The following PENK variants were observed in gnomAD, a reference collection of about 807,000 sequenced individuals.
The protein encoded by PENK is proenkephalin.
Under a neutral mutation model 24.1 loss-of-function variants are expected in PENK, and 25 were observed. The ratio of observed to expected loss-of-function variants is 1.04; its 90% CI spans 0.76 to 1.45. PENK has a LOEUF of 1.45. Among genes scored for constraint, PENK ranks in the 40% most tolerant of loss-of-function variants. The pLI, the probability that PENK is intolerant of heterozygous loss-of-function variation, is 0.00. For missense variants in PENK, 353 were observed against 337.9 expected (o/e 1.04, Z -0.35); for synonymous variants, 135 against 130.3 (o/e 1.04, Z -0.24).
intron 3 of PENK, among the ~76,000 whole-genome samples, chr8:56,442,892 T>C (rs1804585451): frequency 6.6e-6 from 1 of 152,036 alleles, no homozygotes; most frequent in South Asian, 2.1e-4. Flanking sequence ...TTTTTTTCTA[T>C]TTAACACATC....
chr8:56,445,946 C>T lies in PENK; in HGVS notation c.8G>A (p.Arg3Gln). 3 of 1,607,516 alleles carry T rather than the reference C, an allele frequency of 1.9e-6. No individual in the cohort carries two copies. Among genetic ancestry groups the T allele is most frequent in the Middle Eastern group, 1.7e-4 (1 of 5,764 alleles). MARFLTLCTWLLL... is the reference protein window; with the variant it reads MAQFLTLCTWLLL... Reference sequence around the variant, plus strand: ...CAGCCAAGTGCAAAGTGTCAGGAACCGCGCCATGGACTGCGAGGAGAGAGG... The same window carrying T: ...CAGCCAAGTGCAAAGTGTCAGGAACTGCGCCATGGACTGCGAGGAGAGAGG... Residue 3 changes from arginine to glutamine, a missense_variant, in exon 3 of 4, where the codon CGG becomes CAG. Transcript: ENST00000451791.
intron 2 of PENK, 185 bp from the exon 3 acceptor site, chr8:56,446,141 G>T (rs2128941900): frequency 3.2e-6 from 2 of 624,754 alleles, no homozygotes; most frequent in African/African-American, 1.9e-5. Flanking sequence ...GACTCAGATC[G>T]CCTCGCGGTT....
At chr8:56,445,722 A>T (rs568142774) in intron 3 of PENK, 94 bp downstream of exon 3, 2 of 1,544,298 alleles carry the variant, frequency 1.3e-6, no homozygotes, top group South Asian at 2.2e-5. Context: ...GCGAACCGCC[A>T]TACGCGCCGC....
rs1334934458 is a variant in PENK, at chr8:56,444,266, T to C, written c.138+1550A>G. On this transcript the variant is annotated intron_variant, in intron 3 of 3. Coordinates refer to ENST00000451791, the MANE Select transcript of PENK (RefSeq NM_001135690.3). The stretch of plus-strand genomic sequence containing the variant: ...ACTCACATAATTTAAGTAAATATGA[T>C]ACTACTTTGGGGTCAGTCTGTGTGA... Among the ~76,000 whole-genome samples the C allele has an allele frequency of 7.9e-5, 12 of 152,392 alleles. No individual in the cohort carries two copies. The South Asian group carries it at 2.1e-3, about 26-fold the overall frequency.
chr8:56,442,008 G>A (rs750879151), intron 3 of PENK, 71 bp from the exon 4 acceptor site: 1 of 1,177,062 alleles, frequency 8.5e-7, no homozygotes, highest in Non-Finnish European at 1.2e-6. Flanking sequence ...AACTTTTGTG[G>A]ACCAAAATAT....
intron 3 of PENK, among the ~76,000 whole-genome samples, chr8:56,442,743 G>A (rs1415620182): frequency 1.3e-5 from 2 of 151,988 alleles, no homozygotes; most frequent in Non-Finnish European, 2.9e-5. Context: ...TTTAGTCACT[G>A]TTGTACAGAA....
At position 56,441,952 on chromosome 8, in the gene PENK, T is replaced by C. The variant is rs1484114292; in HGVS notation, c.139-15A>G. ...ATTACGCAAGCCTGGGAAAACAATT[T>C]GATGTAATGATAAAAAGAAGCTTCT... On this transcript the variant is annotated splice_polypyrimidine_tract_variant and intron_variant, in intron 3 of 3. Transcript: ENST00000451791. The C allele has an allele frequency of 6.3e-7, 1 of 1,576,030 alleles. No homozygotes were observed. The highest frequency in any genetic ancestry group is 8.6e-7 in the Non-Finnish European group (1 of 1,161,384).
At chr8:56,445,670 C>G in intron 3 of PENK, 146 bp downstream of exon 3, 1 of 993,454 alleles carries the variant, frequency 1.0e-6, no homozygotes, top group Non-Finnish European at 1.6e-6. Flanking sequence ...GCTGAGACAC[C>G]CAGGTCACCA....
At chr8:56,445,421 G>C (rs1263541070) in intron 3 of PENK, 1 of 445,522 alleles carries the variant, frequency 2.2e-6, no homozygotes, top group Non-Finnish European at 4.0e-6. Flanking sequence ...CGTGTGGAGG[G>C]GCCCTTAGCT....
At position 56,441,583 on chromosome 8, in the gene PENK, C is replaced by T. The variant is rs747040304; in HGVS notation, c.493G>A (p.Asp165Asn). The T allele has an allele frequency of 1.1e-5, 18 of 1,614,040 alleles. 1 individual carries two copies. In the South Asian group the frequency reaches 1.6e-4, roughly 15 times the overall value. The change falls in exon 4 of 4, where the codon GAC (aspartate) becomes AAC (asparagine). Residue 165 changes from aspartate (D) to asparagine (N), a missense_variant. Physicochemically the swap from Asp to Asn is conservative, Grantham distance 23 (BLOSUM62 1). Transcript: ENST00000451791. ...DLLKELLETG[D>N]NRERSHHQDG... ...TGGTGGTGGCTACGCTCTCGGTTGTCCCCTGTTTCCAGAAGCTCTTTTAGC... is the reference window on the plus strand; with the variant it reads ...TGGTGGTGGCTACGCTCTCGGTTGTTCCCTGTTTCCAGAAGCTCTTTTAGC...
Position 56,441,074 on chromosome 8 carries a change from A to G in PENK, c.*198T>C, listed in dbSNP as rs1804540460. Reference sequence around the variant, plus strand: ...TTAGCATGAAAACGAGATAGCTGCAATAGACTAATACTGAGCTTAAAGACT... The same window carrying G: ...TTAGCATGAAAACGAGATAGCTGCAGTAGACTAATACTGAGCTTAAAGACT... On this transcript the variant is annotated 3_prime_UTR_variant, in exon 4 of 4. Transcript: ENST00000451791. 1 of 514,602 alleles carries G rather than the reference A, an allele frequency of 1.9e-6. No homozygotes were observed. The highest frequency in any genetic ancestry group is 3.4e-6 in the Non-Finnish European group (1 of 291,134). 31.9% of individuals were successfully genotyped at this position (514,602 alleles called of 1,614,324 possible).
intron 3 of PENK, chr8:56,443,741 G>A (rs989482056): frequency 4.5e-5 from 18 of 398,330 alleles, no homozygotes; most frequent in African/African-American, 1.6e-4. Flanking sequence ...TAATTCTAGC[G>A]AGACAGTCAC....
intron 3 of PENK, among the ~76,000 whole-genome samples, chr8:56,442,906 TGGG>T (rs1275099054): frequency 6.6e-6 from 1 of 152,046 alleles, no homozygotes; most frequent in African/African-American, 2.4e-5. Context: ...ACACATCACT[TGGG>T]TATGATAAAG....
intron 3 of PENK, chr8:56,443,724 A>G (rs1368713126): frequency 2.0e-5 from 8 of 402,022 alleles, no homozygotes; most frequent in Non-Finnish European, 3.5e-5. Context: ...AAAATCCCAG[A>G]ATGTTGTAAT....
Position 56,445,940 on chromosome 8 carries a change from A to C in PENK, c.14T>G (p.Leu5Arg). The C allele has an allele frequency of 1.2e-6, 2 of 1,609,650 alleles. No homozygotes were observed. The highest frequency in any genetic ancestry group is 1.7e-6 in the Non-Finnish European group (2 of 1,177,886). MARF[L>R]TLCTWLLLLG... ...CAACAGCAGCCAAGTGCAAAGTGTCAGGAACCGCGCCATGGACTGCGAGGA... is the reference window on the plus strand; with the variant it reads ...CAACAGCAGCCAAGTGCAAAGTGTCCGGAACCGCGCCATGGACTGCGAGGA... The change falls in exon 3 of 4, where the codon CTG (leucine) becomes CGG (arginine). Residue 5 changes from leucine (L) to arginine (R), a missense_variant. By Grantham distance (102) the Leu-to-Arg change is moderately radical. Transcript: ENST00000451791.
At position 56,441,683 on chromosome 8, in the gene PENK, G is replaced by T. The variant is rs774874989; in HGVS notation, c.393C>A (p.Ile131=). The stretch of plus-strand genomic sequence containing the variant: ...TGAAGCCCCCATACCGCTTGGCGAG[G>T]ATCTCACTTCCATTGGCCTCTTCTT... The part of the protein sequence containing the change: ...EPEEEANGSE[I]LAKRYGGFMK... The change falls in exon 4 of 4, where the codon ATC becomes ATA. Residue 131 remains isoleucine, a synonymous_variant. Coordinates refer to ENST00000451791, the MANE Select transcript of PENK (RefSeq NM_001135690.3). 2 of 1,613,376 alleles carry T rather than the reference G, an allele frequency of 1.2e-6. No homozygotes were observed. Among genetic ancestry groups the T allele is most frequent in the Non-Finnish European group, 1.7e-6 (2 of 1,179,818 alleles).
At chr8:56,443,914 T>C in intron 3 of PENK, 1 of 696,062 alleles carries the variant, frequency 1.4e-6, no homozygotes, top group Non-Finnish European at 2.6e-6. Flanking sequence ...TTCCATCACC[T>C]GGATTAAAGT....
At chr8:56,443,806 C>A (rs1240410734) in intron 3 of PENK, 1 of 527,382 alleles carries the variant, frequency 1.9e-6, no homozygotes, top group African/African-American at 1.9e-5. Context: ...GGGTCCAATG[C>A]AAATCAGTTA....
intron 3 of PENK, among the ~76,000 whole-genome samples, chr8:56,443,112 C>T (rs976167516): frequency 3.3e-5 from 5 of 151,992 alleles, no homozygotes; most frequent in South Asian, 2.1e-4. Flanking sequence ...CTTGAAGGCA[C>T]GTATTTAGTA....
Sources: gnomAD v4.1 joint callset for allele counts (sites outside exome capture counted in the v4.1 genomes callset) on GRCh38, gnomAD v4.1.1 for gene constraint, MANE v1.5 for transcripts, NCBI Gene and HGNC (gene_info 2026-07-23, HGNC 2026-07-21) for gene names.